Variants in SCLT1 observed in about 807,000 individuals in gnomAD.
SCLT1 encodes sodium channel and clathrin linker 1, also known as sodium channel-associated protein 1.
Under a neutral mutation model 112.8 loss-of-function variants are expected in SCLT1, and 78 were observed. The observed-to-expected ratio is 0.69, with a 90% CI of 0.58 to 0.83. SCLT1 has a LOEUF of 0.83. Among genes scored for constraint, SCLT1 ranks in the 40% least tolerant of loss-of-function variants. The pLI, the probability that SCLT1 is intolerant of heterozygous loss-of-function variation, is 0.00. For missense variants in SCLT1, 747 were observed against 770.4 expected, an observed-to-expected ratio of 0.97 and a Z score of 0.36; for synonymous variants, 257 against 254.7, an observed-to-expected ratio of 1.01 and a Z score of -0.09.
intron 5 of SCLT1, among the ~76,000 whole-genome samples, chr4:129,028,990 C>T (rs753290296): frequency 5.3e-5 from 8 of 152,140 alleles, no homozygotes; most frequent in Non-Finnish European, 5.9e-5. Context: ...CCATCTCACA[C>T]CAGTTAGAAT....
intron 5 of SCLT1, among the ~76,000 whole-genome samples, chr4:129,019,409 A>G (rs1745256175): frequency 6.6e-6 from 1 of 152,214 alleles, no homozygotes; most frequent in African/African-American, 2.4e-5. Flanking sequence ...ATTGCTGCCT[A>G]TTAACCTTTG....
chr4:128,923,444 C>CAAAA (rs35945474), intron 18 of SCLT1, among the ~76,000 whole-genome samples: 8 of 81,342 alleles, frequency 9.8e-5, no homozygotes, highest in Admixed American at 1.5e-4. Context: ...GACTCCATCT[C>CAAAA]AAAAAAAAAA....
At chr4:128,901,529 TGG>T (rs5861871) in intron 18 of SCLT1, among the ~76,000 whole-genome samples, 1,405 of 133,616 alleles carry the variant, frequency 0.011, 30 homozygotes, top group African/African-American at 0.035. Context: ...TGTGGGGTGG[TGG>T]GGGGGGGGAG....
chr4:128,926,998 C>A (rs72683651), intron 18 of SCLT1, among the ~76,000 whole-genome samples: 4,789 of 150,390 alleles, frequency 0.032, 108 homozygotes, highest in Non-Finnish European at 0.043. Context: ...TTAAAAAAAA[C>A]CAAATGAATT....
At chr4:128,969,499 G>A (rs572491948) in intron 10 of SCLT1, among the ~76,000 whole-genome samples, 3 of 152,044 alleles carry the variant, frequency 2.0e-5, no homozygotes, top group Non-Finnish European at 2.9e-5. Flanking sequence ...ATGAACCCGG[G>A]AGGCAGAGCT....
intron 2 of SCLT1, among the ~76,000 whole-genome samples, chr4:129,070,362 T>A (rs1270081315): frequency 1.3e-5 from 2 of 152,122 alleles, no homozygotes; most frequent in Non-Finnish European, 2.9e-5. Context: ...TGTGGTAGAA[T>A]TCTGCTGTGA....
chr4:128,992,192 T>A lies in SCLT1; in HGVS notation c.661A>T (p.Ile221Phe). 1 of 1,598,158 alleles carries A rather than the reference T, an allele frequency of 6.3e-7. No homozygotes were observed. The highest frequency in any genetic ancestry group is 8.5e-7 in the Non-Finnish European group (1 of 1,171,450). The change falls in exon 9 of 21, where the codon ATC becomes TTC. Residue 221 changes from isoleucine to phenylalanine, a missense_variant. Ile to Phe is a conservative substitution (Grantham distance 21). Coordinates refer to ENST00000281142, the MANE Select transcript of SCLT1 (RefSeq NM_144643.4). ...CTAAGTTTTTTTCGGAGTTGTTCGA[T>A]TATCACACTTTGTTCAGTTACTGTT... ...LKTVTEQSVI[I>F]EQLRKKLRQA...
intron 20 of SCLT1, among the ~76,000 whole-genome samples, chr4:128,885,544 C>T (rs2125919007): frequency 6.6e-6 from 1 of 152,154 alleles, no homozygotes; most frequent in Admixed American, 6.5e-5. Context: ...CAAACTGTTC[C>T]TCTGTGTGAA....
chr4:129,003,744 A>C lies in SCLT1; in HGVS notation c.423T>G (p.Asn141Lys), dbSNP rs1743739664. The change falls in exon 6 of 21, where the codon AAT (asparagine) becomes AAG (lysine). Residue 141 changes from asparagine (N) to lysine (K), a missense_variant. This residue lies in a region of SCLT1 where 723 missense variants were observed against 721.3 expected (regional missense o/e 1.00). Coordinates refer to ENST00000281142, the MANE Select transcript of SCLT1 (RefSeq NM_144643.4). ...TTTAAAAATACATGTCACTCACTTG[A>C]TTGGCTAGCTGCAATTGTTCTTGAA... Reference protein sequence around the residue: ...RNLQEQLQLANQEKTQAVELW... With the variant: ...RNLQEQLQLAKQEKTQAVELW... The C allele has an allele frequency of 1.9e-6, 3 of 1,599,256 alleles. No individual in the cohort carries two copies. The highest frequency in any genetic ancestry group is 2.6e-6 in the Non-Finnish European group (3 of 1,174,708).
At chr4:128,942,623 T>C (rs1310660275) in intron 17 of SCLT1, among the ~76,000 whole-genome samples, 3 of 152,248 alleles carry the variant, frequency 2.0e-5, no homozygotes, top group African/African-American at 7.2e-5. Flanking sequence ...TTTAACATCC[T>C]CTATACAGTT....
intron 5 of SCLT1, among the ~76,000 whole-genome samples, chr4:129,013,475 C>T (rs1158493711): frequency 1.3e-5 from 2 of 152,152 alleles, no homozygotes; most frequent in Non-Finnish European, 2.9e-5. Flanking sequence ...TTTAGTGCTA[C>T]CTTCAGGTGC....
intron 18 of SCLT1, among the ~76,000 whole-genome samples, chr4:128,917,556 C>A (rs2125955821): frequency 1.3e-5 from 2 of 152,048 alleles, no homozygotes; most frequent in Admixed American, 1.3e-4. Context: ...TTATTGGAAG[C>A]CAAGTTCTCG....
intron 2 of SCLT1, among the ~76,000 whole-genome samples, chr4:129,061,499 T>C (rs1749971165): frequency 1.3e-5 from 2 of 152,230 alleles, no homozygotes; most frequent in African/African-American, 4.8e-5. Flanking sequence ...TTCAGATCAA[T>C]CCTGGGGACA....
In SCLT1 at chr4:128,943,155, C is replaced by A; in HGVS notation, c.1473G>T (p.Met491Ile). 2 of 1,610,016 alleles carry A rather than the reference C, an allele frequency of 1.2e-6. No individual in the cohort carries two copies. The highest frequency in any genetic ancestry group is 1.7e-6 in the Non-Finnish European group (2 of 1,178,602). The stretch of plus-strand genomic sequence containing the variant: ...CCAATACATTTTGAAGTTTCTGAAT[C>A]ATTTCTTGGTAACGTGATATTTCTT... ...SSEEISRYQE[M>I]IQKLQNVLES... Residue 491 changes from methionine to isoleucine, a missense_variant, in exon 17 of 21, where the codon ATG (methionine) becomes ATT (isoleucine). By Grantham distance (10) the Met-to-Ile change is conservative. Around this residue, in one of 2 missense-constraint regions of SCLT1, gnomAD observed 723 missense variants for 721.3 expected, o/e 1.00. Coordinates refer to ENST00000281142, the MANE Select transcript of SCLT1 (RefSeq NM_144643.4).
At chr4:129,005,821 G>A (rs1307062112) in intron 5 of SCLT1, among the ~76,000 whole-genome samples, 1 of 150,636 alleles carries the variant, frequency 6.6e-6, no homozygotes, top group East Asian at 1.9e-4. Flanking sequence ...ATACACCATG[G>A]AATACTATGC....
intron 18 of SCLT1, among the ~76,000 whole-genome samples, chr4:128,907,560 C>G (rs905681419): frequency 2.6e-5 from 4 of 152,016 alleles, no homozygotes; most frequent in African/African-American, 9.7e-5. Flanking sequence ...AAAACTTCAG[C>G]TAGGGGTGAA....
chr4:128,937,098 T>C (rs1464780751), intron 17 of SCLT1, among the ~76,000 whole-genome samples: 2 of 152,042 alleles, frequency 1.3e-5, no homozygotes, highest in East Asian at 3.9e-4. Context: ...ACCAACATGG[T>C]GAAACCCCAT....
intron 17 of SCLT1, among the ~76,000 whole-genome samples, chr4:128,938,877 G>A (rs1461532436): frequency 1.3e-5 from 2 of 152,164 alleles, no homozygotes; most frequent in African/African-American, 4.8e-5. Flanking sequence ...AGCTACTCAG[G>A]AGGGTGAGGC....
chr4:129,048,715 T>G (rs1748443177), intron 2 of SCLT1, among the ~76,000 whole-genome samples: 1 of 152,070 alleles, frequency 6.6e-6, no homozygotes, highest in African/African-American at 2.4e-5. Context: ...GGAGAAAATT[T>G]TCGCAACCTA....
Sources: gnomAD v4.1 joint callset for allele counts (sites outside exome capture counted in the v4.1 genomes callset) on GRCh38, gnomAD v4.1.1 for gene constraint, gnomAD v4.1.1 regional missense constraint, MANE v1.5 for transcripts, NCBI Gene and HGNC (gene_info 2026-07-23, HGNC 2026-07-21) for gene names.